The following PIEZO2 variants were observed in gnomAD, a reference collection of about 807,000 sequenced individuals.
PIEZO2 encodes the protein piezo type mechanosensitive ion channel component 2.
PIEZO2 carries 172 observed loss-of-function variants against 337.3 expected under a neutral mutation model. The observed-to-expected ratio is 0.51, with a 90% CI of 0.45 to 0.58. PIEZO2 has a LOEUF of 0.58. Among genes scored for constraint, PIEZO2 ranks in the 20% least tolerant of loss-of-function variants. The pLI, the probability that PIEZO2 is intolerant of heterozygous loss-of-function variation, is 0.00. For missense variants in PIEZO2, 3,028 were observed against 3,391.3 expected (o/e 0.89, Z 2.66); for synonymous variants, 1,251 against 1,228.5 (o/e 1.02, Z -0.38).
At position 10,888,989 on chromosome 18, in the gene PIEZO2, G is replaced by A. The variant is rs2042683575; in HGVS notation, c.330-17574C>T. Among the ~76,000 whole-genome samples the A allele has an allele frequency of 6.6e-6, 1 of 152,180 alleles. No individual in the cohort carries two copies. Among genetic ancestry groups the A allele is most frequent in the Non-Finnish European group, 1.5e-5 (1 of 68,052 alleles). ...TTCATGATCCTAATGTGCACACTTT[G>A]TGGATACCAAAATCTCAATTCTTGA... On this transcript the variant is annotated intron_variant, in intron 4 of 55. Coordinates refer to ENST00000674853, the MANE Select transcript of PIEZO2 (RefSeq NM_001378183.1). The surrounding 1 kb of genome is among the most constrained non-coding windows in gnomAD (Gnocchi z 4.1).
At chr18:11,050,024 C>T (rs1363022701) in intron 2 of PIEZO2, among the ~76,000 whole-genome samples, 1 of 152,106 alleles carries the variant, frequency 6.6e-6, no homozygotes, top group East Asian at 1.9e-4. Flanking sequence ...GAATTATAGG[C>T]TGCCTGAAAC....
At chr18:10,806,660 C>T (rs1344884181) in intron 8 of PIEZO2, among the ~76,000 whole-genome samples, 1 of 151,994 alleles carries the variant, frequency 6.6e-6, no homozygotes, top group Non-Finnish European at 1.5e-5. Context: ...TCTCTGAGAA[C>T]TGAGCTTTGT....
At chr18:10,937,174 G>A (rs998241460) in intron 3 of PIEZO2, among the ~76,000 whole-genome samples, 1 of 152,150 alleles carries the variant, frequency 6.6e-6, no homozygotes, top group Admixed American at 6.5e-5. Context: ...CCTTGAAATA[G>A]TTCAGTGGAG....
At chr18:10,817,971 T>C (rs1441073107) in intron 7 of PIEZO2, among the ~76,000 whole-genome samples, 1 of 152,010 alleles carries the variant, frequency 6.6e-6, no homozygotes, top group Non-Finnish European at 1.5e-5. Flanking sequence ...AGAAGACTAT[T>C]ACCTGAATTA....
rs144490141 is a variant in PIEZO2 at position 10,696,278 on chromosome 18, G to T, written c.6986C>A (p.Ala2329Glu). 6.2e-7 allele frequency: 1 copy of T among 1,614,170 alleles called. No individual in the cohort carries two copies. The highest frequency in any genetic ancestry group is 8.5e-7 in the Non-Finnish European group (1 of 1,180,004). ...CAGTGAAGAGGTGATGTCTGCAGCT[G>T]CTGAGTGTTTCTGGGGAAGAGACAA... ...FGFWAFGKHS[A>E]AADITSSLSE... Residue 2329 changes from alanine (A) to glutamate (E), a missense_variant, in exon 47 of 56, where the codon GCA (alanine) becomes GAA (glutamate). Ala to Glu is a moderately radical substitution (Grantham distance 107). Coordinates refer to ENST00000674853, the MANE Select transcript of PIEZO2 (RefSeq NM_001378183.1).
intron 3 of PIEZO2, among the ~76,000 whole-genome samples, chr18:10,911,541 G>A (rs1319980353): frequency 6.6e-6 from 1 of 151,810 alleles, no homozygotes; most frequent in Non-Finnish European, 1.5e-5. Context: ...GATCACCTGA[G>A]GTCAGGAGTT....
At chr18:11,019,874 C>G (rs1392811179) in intron 2 of PIEZO2, among the ~76,000 whole-genome samples, 2 of 152,194 alleles carry the variant, frequency 1.3e-5, no homozygotes, top group Non-Finnish European at 2.9e-5. Context: ...TGTTTATTAG[C>G]TCTCACTACA....
At chr18:10,851,326 G>T (rs2041546044) in intron 7 of PIEZO2, among the ~76,000 whole-genome samples, 1 of 151,736 alleles carries the variant, frequency 6.6e-6, no homozygotes, top group Non-Finnish European at 1.5e-5. Flanking sequence ...AAGTTAATGG[G>T]GAGGAAATCT....
In PIEZO2 at chr18:11,143,623, A is replaced by ACTCTCTCT. The variant is rs1568412583; in HGVS notation, c.64+4901_64+4902insAGAGAGAG. Among the ~76,000 whole-genome samples, 1 of 142,988 alleles carries ACTCTCTCT rather than the reference A, an allele frequency of 7.0e-6. No homozygotes were observed. The highest frequency in any genetic ancestry group is 2.8e-5 in the African/African-American group (1 of 35,426). 93.8% of individuals were successfully genotyped at this position (142,988 alleles called of 152,430 possible). A position where few individuals can be genotyped will look rare whatever the true frequency, so the allele number is the denominator to read the frequency against. On this transcript the variant is annotated intron_variant, in intron 1 of 55. Transcript: ENST00000674853. The surrounding 1 kb of genome is among the most constrained non-coding windows in gnomAD (Gnocchi z 4.9). ...CTAACACACACACACACACACACAC[A>ACTCTCTCT]CACACACACACACACACTCTCTCTC...
intron 2 of PIEZO2, among the ~76,000 whole-genome samples, chr18:11,045,804 A>G (rs1181148640): frequency 6.6e-6 from 1 of 152,358 alleles, no homozygotes; most frequent in Non-Finnish European, 1.5e-5. Flanking sequence ...AATGTATTCT[A>G]TACAATTCAA....
intron 2 of PIEZO2, among the ~76,000 whole-genome samples, chr18:11,043,900 C>T (rs1042691492): frequency 3.3e-5 from 5 of 152,022 alleles, no homozygotes; most frequent in African/African-American, 1.2e-4. Flanking sequence ...TCATGAACTC[C>T]TGACCTCAGG....
chr18:10,861,891 G>A lies in PIEZO2; in HGVS notation c.493-4680C>T, dbSNP rs974753115. On this transcript the variant is annotated intron_variant, in intron 5 of 55. Coordinates refer to ENST00000674853, the MANE Select transcript of PIEZO2 (RefSeq NM_001378183.1). The surrounding 1 kb of genome is among the most constrained non-coding windows in gnomAD (Gnocchi z 4.3). ...AAATTAGCTGGGCATGGTGGCGCAC[G>A]CCTGTAATCCCAGCTACTCAGGAAG... Among the ~76,000 whole-genome samples the A allele has an allele frequency of 4.6e-5, 7 of 152,104 alleles. No individual in the cohort carries two copies. The highest frequency in any genetic ancestry group is 3.9e-4 in the East Asian group (2 of 5,168).
At chr18:10,977,460 G>C (rs1373405876) in intron 3 of PIEZO2, among the ~76,000 whole-genome samples, 1 of 152,000 alleles carries the variant, frequency 6.6e-6, no homozygotes, top group Non-Finnish European at 1.5e-5. Flanking sequence ...ATGGTCCTGA[G>C]AGTACCTTAT....
chr18:10,693,356 T>TTGTGTGTGTGTG (rs1174582024), intron 47 of PIEZO2, among the ~76,000 whole-genome samples: 3,091 of 89,938 alleles, frequency 0.034, 40 homozygotes, highest in Middle Eastern at 0.045. Flanking sequence ...AATCTGGATT[T>TTGTGTGTGTGTG]TGTGTGTGTG....
intron 4 of PIEZO2, among the ~76,000 whole-genome samples, chr18:10,904,757 A>G (rs1490250374): frequency 6.6e-6 from 1 of 152,252 alleles, no homozygotes; most frequent in East Asian, 1.9e-4. Flanking sequence ...CTGACATTTA[A>G]TACGAGCAAG....
rs538496715 is a variant in PIEZO2 at position 11,001,486 on chromosome 18, G to A, written c.161-21826C>T. On this transcript the variant is annotated intron_variant, in intron 2 of 55. Transcript: ENST00000674853. This position sits in a 1 kb window ranked among gnomAD's most constrained non-coding sequence, Gnocchi z 5.3. Reference sequence around the variant, plus strand: ...TTCACTGTCAGACAGTGAAAATCACGACTGTGATTATCCTCCAGTCCCCTA... The same window carrying A: ...TTCACTGTCAGACAGTGAAAATCACAACTGTGATTATCCTCCAGTCCCCTA... Among the ~76,000 whole-genome samples, 1 of 152,094 alleles carries A rather than the reference G, an allele frequency of 6.6e-6. No homozygotes were observed. Among genetic ancestry groups the A allele is most frequent in the Non-Finnish European group, 1.5e-5 (1 of 68,028 alleles).
At position 10,895,569 on chromosome 18, in the gene PIEZO2, T is replaced by A. The variant is rs949408408; in HGVS notation, c.329+15617A>T. ...CGGGGAATGGTGCCGTTTGTTGGGG[T>A]ACCTGTGCAGCAGTAGCAGTGCCGT... On this transcript the variant is annotated intron_variant, in intron 4 of 55. Transcript: ENST00000674853. This position sits in a 1 kb window ranked among gnomAD's most constrained non-coding sequence, Gnocchi z 4.8. Among the ~76,000 whole-genome samples the A allele has an allele frequency of 6.6e-6, 1 of 152,130 alleles. No homozygotes were observed. Among genetic ancestry groups the A allele is most frequent in the African/African-American group, 2.4e-5 (1 of 41,428 alleles).
At position 11,105,451 on chromosome 18, in the gene PIEZO2, C is replaced by T. The variant is rs564550802; in HGVS notation, c.65-39229G>A. ...CCAGCACCTCACATCTTCATCCTCA[C>T]GACACACTTCCACACTTCAAACTAC... On this transcript the variant is annotated intron_variant, in intron 1 of 55. Transcript: ENST00000674853. The surrounding 1 kb of genome is among the most constrained non-coding windows in gnomAD (Gnocchi z 4.3). 1.1e-4 allele frequency among the ~76,000 whole-genome samples: 16 copies of T among 152,268 alleles called. No homozygotes were observed. The highest frequency in any genetic ancestry group is 3.4e-4 in the African/African-American group (14 of 41,550).
chr18:10,765,424 G>T (rs953222283), intron 21 of PIEZO2, among the ~76,000 whole-genome samples: 2 of 152,148 alleles, frequency 1.3e-5, no homozygotes, highest in Non-Finnish European at 2.9e-5. Context: ...CTTATACCAC[G>T]TTACGGTGAG....
Sources: allele counts gnomAD v4.1 joint callset (sites outside exome capture counted in the v4.1 genomes callset), GRCh38; gene constraint gnomAD v4.1.1; non-coding constraint Gnocchi (gnomAD v3.1); transcripts MANE v1.5; gene names NCBI Gene and HGNC (gene_info 2026-07-23, HGNC 2026-07-21).